Variants in PRP4K observed in about 807,000 individuals in gnomAD.
The protein encoded by PRP4K is pre-mRNA processing factor kinase PRP4K, also known as serine/threonine-protein kinase PRP4 homolog.
chr6:4,030,574 G>A, the PRP4K span, among the ~76,000 whole-genome samples: 1 of 152,128 alleles, frequency 6.6e-6, no homozygotes, highest in Admixed American at 6.5e-5. Context: ...CCAAGGGCTC[G>A]ACAACGTAAT....
chr6:4,031,152 A>G, the PRP4K span, among the ~76,000 whole-genome samples: 2 of 152,368 alleles, frequency 1.3e-5, no homozygotes. Flanking sequence ...TTATTAAAAA[A>G]GAAAACGGGC....
chr6:4,049,930 A>G, the PRP4K span: 1 of 1,555,862 alleles, frequency 6.4e-7, no homozygotes, highest in Non-Finnish European at 8.7e-7. Context: ...TACTTACAGA[A>G]GAACATATTT....
chr6:4,026,237 C>T, the PRP4K span, among the ~76,000 whole-genome samples: 2 of 150,652 alleles, frequency 1.3e-5, no homozygotes, highest in East Asian at 3.9e-4. Context: ...CTTCTGACCT[C>T]AGGTGATCCA....
the PRP4K span, chr6:4,056,258 T>C: frequency 8.4e-7 from 1 of 1,194,764 alleles, no homozygotes; most frequent in Admixed American, 1.9e-5. Context: ...GCCAATAATT[T>C]TTATTTATTT....
chr6:4,028,969 C>T, the PRP4K span, among the ~76,000 whole-genome samples: 6 of 148,894 alleles, frequency 4.0e-5, no homozygotes, highest in East Asian at 1.2e-3. Context: ...CTCCTAGAAC[C>T]ATATATTATC....
the PRP4K span, among the ~76,000 whole-genome samples, chr6:4,057,553 A>G: frequency 6.6e-6 from 1 of 152,312 alleles, no homozygotes; most frequent in East Asian, 1.9e-4. Context: ...AATATTAGAT[A>G]TTGTAAGAGG....
At chr6:4,032,528 A>G in the PRP4K span, 1 of 1,613,774 alleles carries the variant, frequency 6.2e-7, no homozygotes, top group Non-Finnish European at 8.5e-7. Context: ...CATCTGGGAA[A>G]GAAAATAGGT....
chr6:4,042,413 C>G, the PRP4K span: 24 of 1,159,590 alleles, frequency 2.1e-5, no homozygotes, highest in Non-Finnish European at 2.9e-5. Flanking sequence ...CCTACATTTT[C>G]CTGCCTTTAA....
the PRP4K span, among the ~76,000 whole-genome samples, chr6:4,030,251 T>C: frequency 6.6e-6 from 1 of 152,314 alleles, no homozygotes; most frequent in East Asian, 1.9e-4. Context: ...CTTGTACATC[T>C]GTTTTCCTGC....
chr6:4,046,354 G>A, the PRP4K span, among the ~76,000 whole-genome samples: 1 of 152,116 alleles, frequency 6.6e-6, no homozygotes, highest in African/African-American at 2.4e-5. Flanking sequence ...CCTCATTGTA[G>A]TTTTAATTTG....
At chr6:4,041,483 G>A in the PRP4K span, among the ~76,000 whole-genome samples, 2 of 152,142 alleles carry the variant, frequency 1.3e-5, no homozygotes, top group East Asian at 1.9e-4. Flanking sequence ...ACCCTGGGGG[G>A]AGAAGGTTGA....
chr6:4,050,821 G>A, the PRP4K span, among the ~76,000 whole-genome samples: 1 of 152,186 alleles, frequency 6.6e-6, no homozygotes, highest in South Asian at 2.1e-4. Flanking sequence ...TTGACAAATT[G>A]TAACAAGAAT....
the PRP4K span, chr6:4,049,632 T>C: frequency 8.3e-7 from 1 of 1,202,618 alleles, no homozygotes; most frequent in Non-Finnish European, 1.2e-6. Context: ...AACCAAATAG[T>C]AGAGATTTAA....
chr6:4,056,497 GT>G, the PRP4K span: 38 of 1,611,620 alleles, frequency 2.4e-5, no homozygotes, highest in Non-Finnish European at 3.1e-5. Flanking sequence ...CATACTTAAT[GT>G]CTAAGCACTG....
the PRP4K span, chr6:4,057,260 C>T: frequency 6.7e-7 from 1 of 1,499,002 alleles, no homozygotes; most frequent in Non-Finnish European, 9.1e-7. Context: ...CACTTGCTCA[C>T]CACTAGTGAG....
the PRP4K span, among the ~76,000 whole-genome samples, chr6:4,044,679 G>C: frequency 6.6e-6 from 1 of 151,896 alleles, no homozygotes; most frequent in Admixed American, 6.6e-5. Flanking sequence ...CAGCCCTTTA[G>C]TATTCAATAT....
the PRP4K span, chr6:4,032,139 G>A: frequency 7.1e-5 from 115 of 1,613,334 alleles, 1 homozygote; most frequent in East Asian, 4.2e-4. Context: ...TATTGAAATC[G>A]TTAAAGAGAA....
At chr6:4,049,331 T>C in the PRP4K span, 1 of 497,194 alleles carries the variant, frequency 2.0e-6, no homozygotes, top group Non-Finnish European at 3.5e-6. Context: ...ACAACCTAAA[T>C]ATATTCAAAA....
the PRP4K span, among the ~76,000 whole-genome samples, chr6:4,037,731 T>C: frequency 1.3e-5 from 2 of 152,224 alleles, no homozygotes; most frequent in African/African-American, 4.8e-5. Context: ...TGGGTTTTCT[T>C]TTATATCGTT....
Sources: allele counts gnomAD v4.1 joint callset (sites outside exome capture counted in the v4.1 genomes callset), GRCh38; gene constraint gnomAD v4.1.1; transcripts MANE v1.5; gene names NCBI Gene and HGNC (gene_info 2026-07-23, HGNC 2026-07-21).